SKI: variants seen among roughly 807,000 people sequenced by gnomAD.
The protein encoded by SKI is ski oncogene.
In SKI, 23 loss-of-function variants were observed where a neutral mutation model predicts 59.3. The ratio of observed to expected loss-of-function variants is 0.39; its 90% CI spans 0.28 to 0.55. SKI has a LOEUF of 0.55. Ranked by LOEUF, SKI falls within the 20% of genes least tolerant of loss-of-function variation. The pLI is 0.67. For synonymous variants in SKI, 673 were observed against 488.6 expected (o/e 1.38, Z -4.98); for missense variants, 1,017 against 1,038.9 (o/e 0.98, Z 0.29).
intron 1 of SKI, among the ~76,000 whole-genome samples, chr1:2,289,078 A>C (rs1039065): frequency 0.52 from 78,842 of 152,034 alleles, 21,715 homozygotes; most frequent in African/African-American, 0.72. Flanking sequence ...AGCTGGGGGA[A>C]GGTCATGTTC....
At position 2,309,623 on chromosome 1, in the gene SKI, G is replaced by A. The variant is rs1224204850; in HGVS notation, c.*2858G>A. 6.6e-6 allele frequency: 1 copy of A among 151,548 alleles called. No homozygotes were observed. Among genetic ancestry groups the A allele is most frequent in the Non-Finnish European group, 1.5e-5 (1 of 67,926 alleles). 9.4% of individuals were successfully genotyped at this position (151,548 alleles called of 1,614,324 possible). A position where few individuals can be genotyped will look rare whatever the true frequency, so the allele number is the denominator to read the frequency against. ...AGGGGAGACGGAGAAACCCATGTGC[G>A]TTTCCCATGTGACCCCCTCCTCCCT... On this transcript the variant is annotated 3_prime_UTR_variant, in exon 7 of 7. Coordinates refer to ENST00000378536, the MANE Select transcript of SKI (RefSeq NM_003036.4).
chr1:2,300,061 C>T (rs1278441136), intron 1 of SKI, among the ~76,000 whole-genome samples: 1 of 152,194 alleles, frequency 6.6e-6, no homozygotes, highest in African/African-American at 2.4e-5. Context: ...CTTGGGCCCG[C>T]TATTCCTCAG....
Position 2,303,521 on chromosome 1 carries a change from G to T in SKI, c.1211+121G>T. Reference sequence around the variant, plus strand: ...CCAGACCTGCCGCCTTTTGGTCAGGGCAGTCTCGGTGTTGGTTCCTTTGGC... The same window carrying T: ...CCAGACCTGCCGCCTTTTGGTCAGGTCAGTCTCGGTGTTGGTTCCTTTGGC... On this transcript the variant is annotated intron_variant, in intron 3 of 6. Transcript: ENST00000378536. This position sits in a 1 kb window ranked among gnomAD's most constrained non-coding sequence, Gnocchi z 5.6. 3.4e-6 allele frequency: 3 copies of T among 889,024 alleles called. No homozygotes were observed. In the Admixed American group the frequency reaches 6.5e-5, roughly 19 times the overall value. 55.1% of individuals were successfully genotyped at this position (889,024 alleles called of 1,614,324 possible). A position where few individuals can be genotyped will look rare whatever the true frequency, so the allele number is the denominator to read the frequency against.
At chr1:2,258,727 TA>T (rs1639324429) in intron 1 of SKI, among the ~76,000 whole-genome samples, 1 of 152,048 alleles carries the variant, frequency 6.6e-6, no homozygotes, top group South Asian at 2.1e-4. Flanking sequence ...GCTAATTTTT[TA>T]ATTTTTAGTA....
At chr1:2,246,164 G>A (rs1569709670) in intron 1 of SKI, among the ~76,000 whole-genome samples, 3 of 152,156 alleles carry the variant, frequency 2.0e-5, no homozygotes, top group East Asian at 3.9e-4. Flanking sequence ...CAGCAACAGC[G>A]TTCGAGCAGC....
chr1:2,306,184 G>T lies in SKI; in HGVS notation c.1932G>T (p.Ala644=), dbSNP rs1057521646. 1.3e-6 allele frequency: 2 copies of T among 1,588,066 alleles called. No homozygotes were observed. The highest frequency in any genetic ancestry group is 1.1e-5 in the South Asian group (1 of 87,576). Residue 644 remains alanine, a synonymous_variant, in exon 6 of 7, where the codon GCG becomes GCT. Coordinates refer to ENST00000378536, the MANE Select transcript of SKI (RefSeq NM_003036.4). ...GCCTGAAGCGGGAGCTGGAGCAGGC[G>T]CGGCAGGCCCGGGTGTGCGACAAGG... ...RLRLKRELEQ[A]RQARVCDKGC...
chr1:2,229,384 C>G lies in SKI; in HGVS notation c.618C>G (p.Ser206Arg). The change falls in exon 1 of 7, where the codon AGC (serine) becomes AGG (arginine). Residue 206 changes from serine (S) to arginine (R), a missense_variant. By Grantham distance (110) the Ser-to-Arg change is moderately radical (BLOSUM62 -1). Coordinates refer to ENST00000378536, the MANE Select transcript of SKI (RefSeq NM_003036.4). This position sits in a 1 kb window ranked among gnomAD's most constrained non-coding sequence, Gnocchi z 6.3. ...PPPCKKELAA[S>R]LALGLELSER... is the part of the protein sequence containing the mutation. The stretch of plus-strand genomic sequence containing the variant: ...CCTGCAAGAAGGAGCTGGCCGCCAG[C>G]CTGGCGCTGGGCCTGGAGCTCAGCG... 1 of 1,604,258 alleles carries G rather than the reference C, an allele frequency of 6.2e-7. No homozygotes were observed. The highest frequency in any genetic ancestry group is 8.5e-7 in the Non-Finnish European group (1 of 1,175,640).
chr1:2,229,020 T>G lies in SKI; in HGVS notation c.254T>G (p.Val85Gly), dbSNP rs1638569506. Residue 85 changes from valine to glycine, a missense_variant, in exon 1 of 7, where the codon GTG becomes GGG. Physicochemically the swap from Val to Gly is moderately radical, Grantham distance 109. Coordinates refer to ENST00000378536, the MANE Select transcript of SKI (RefSeq NM_003036.4). This position sits in a 1 kb window ranked among gnomAD's most constrained non-coding sequence, Gnocchi z 6.3. ...CCCGCCATCCAGCCGCCGCCGCCCG[T>G]GCTGCCCGGGCCCTTCTTCATGCCG... ...HLPAIQPPPP[V>G]LPGPFFMPSD... 1 of 1,593,588 alleles carries G rather than the reference T, an allele frequency of 6.3e-7. No homozygotes were observed. Among genetic ancestry groups the G allele is most frequent in the Admixed American group, 1.7e-5 (1 of 59,032 alleles).
intron 1 of SKI, among the ~76,000 whole-genome samples, chr1:2,250,558 GCCT>G (rs1251161156): frequency 2.0e-5 from 3 of 152,208 alleles, no homozygotes; most frequent in Non-Finnish European, 4.4e-5. Flanking sequence ...GCTGGCACTG[GCCT>G]CCTCTCGCCA....
At chr1:2,240,213 C>G (rs1490099716) in intron 1 of SKI, among the ~76,000 whole-genome samples, 3 of 152,234 alleles carry the variant, frequency 2.0e-5, no homozygotes, top group African/African-American at 7.2e-5. Context: ...TCTCCACTTT[C>G]TGGGACCTTG....
In SKI at chr1:2,236,692, A is replaced by T. The variant is rs149539739; in HGVS notation, c.969+6957A>T. 2.4e-4 allele frequency among the ~76,000 whole-genome samples: 37 copies of T among 152,284 alleles called. No individual in the cohort carries two copies. The East Asian group carries it at 6.0e-3, about 25-fold the overall frequency. On this transcript the variant is annotated intron_variant, in intron 1 of 6. Transcript: ENST00000378536. ...AGTGTTGGGATTACAGGCATGAGCC[A>T]TTGCGCCTGGCCATTGTTCCACCTT...
chr1:2,264,412 G>A (rs1056634661), intron 1 of SKI, among the ~76,000 whole-genome samples: 2 of 152,062 alleles, frequency 1.3e-5, no homozygotes, highest in East Asian at 1.9e-4. Flanking sequence ...GGGATTACAG[G>A]CACCCGCCAC....
intron 1 of SKI, among the ~76,000 whole-genome samples, chr1:2,302,506 G>A (rs1038115868): frequency 1.3e-5 from 2 of 152,116 alleles, no homozygotes; most frequent in Admixed American, 6.5e-5. Flanking sequence ...CGCATCCGTC[G>A]TGAGTGGCTC....
intron 5 of SKI, among the ~76,000 whole-genome samples, chr1:2,305,416 A>G (rs1483780143): frequency 6.6e-6 from 1 of 152,086 alleles, no homozygotes; most frequent in African/African-American, 2.4e-5. Context: ...TCAGAGCTGC[A>G]GGGTTGCCGA....
chr1:2,257,353 G>A (rs1489588205), intron 1 of SKI, among the ~76,000 whole-genome samples: 1 of 152,248 alleles, frequency 6.6e-6, no homozygotes, highest in East Asian at 1.9e-4. Flanking sequence ...AAGGGGGAGG[G>A]CACCTGGGAG....
At chr1:2,253,190 C>T (rs991913774) in intron 1 of SKI, among the ~76,000 whole-genome samples, 7 of 152,184 alleles carry the variant, frequency 4.6e-5, no homozygotes, top group Admixed American at 2.0e-4. Flanking sequence ...GTCCAGCACC[C>T]GCCTGCAGCG....
At chr1:2,231,163 G>C (rs1015976544) in intron 1 of SKI, among the ~76,000 whole-genome samples, 17 of 152,132 alleles carry the variant, frequency 1.1e-4, no homozygotes, top group Non-Finnish European at 2.2e-4. Flanking sequence ...TGTGGGCTGG[G>C]GCCTTTCTTT....
chr1:2,258,036 C>G (rs1639309687), intron 1 of SKI, among the ~76,000 whole-genome samples: 1 of 152,174 alleles, frequency 6.6e-6, no homozygotes, highest in Admixed American at 6.5e-5. Context: ...CTGTGCCCAG[C>G]CTGCACAACA....
intron 1 of SKI, among the ~76,000 whole-genome samples, chr1:2,273,888 G>A (rs925244959): frequency 5.3e-5 from 8 of 152,146 alleles, no homozygotes; most frequent in Non-Finnish European, 1.0e-4. Context: ...TGGTGGGGAT[G>A]CCTCTCCGCC....
Sources: gnomAD v4.1 joint callset for allele counts (sites outside exome capture counted in the v4.1 genomes callset) on GRCh38, gnomAD v4.1.1 for gene constraint, Gnocchi (gnomAD v3.1) non-coding constraint, MANE v1.5 for transcripts, NCBI Gene and HGNC (gene_info 2026-07-23, HGNC 2026-07-21) for gene names.